The following TTC23 variants were observed in gnomAD, a reference collection of about 807,000 sequenced individuals.
The protein encoded by TTC23 is tetratricopeptide repeat domain 23, also known as tetratricopeptide repeat protein 23.
In TTC23, 58 loss-of-function variants were observed where a neutral mutation model predicts 55.1. That is an observed-to-expected ratio of 1.05 (90% CI 0.85 to 1.31). The LOEUF (loss-of-function observed/expected upper bound fraction) is 1.31, where lower values mean the gene tolerates loss of function less well. Ranked by LOEUF, TTC23 falls within the 50% of genes most tolerant of loss-of-function variation. TTC23 has a pLI of 0.00. For synonymous variants in TTC23, 203 were observed against 199.9 expected (o/e 1.02, Z -0.13); for missense variants, 516 against 534.4 (o/e 0.97, Z 0.34).
At chr15:99,211,734 A>T (rs1340903856) in intron 8 of TTC23, among the ~76,000 whole-genome samples, 1 of 152,130 alleles carries the variant, frequency 6.6e-6, no homozygotes, top group East Asian at 1.9e-4. Flanking sequence ...TGGAGGTCTT[A>T]TTATTTTCAC....
In TTC23 at chr15:99,248,950, C is replaced by T. The variant is rs114987390; in HGVS notation, c.-431+221G>A. ...CTGGAATCCCTAATCCACAAATATA[C>T]ACAAAATTTGGGTTCAAGCAACTCT... On this transcript the variant is annotated intron_variant, in intron 1 of 13. Coordinates refer to ENST00000394132, the MANE Select transcript of TTC23 (RefSeq NM_001288615.3). Among the ~76,000 whole-genome samples, 66 of 152,144 alleles carry T rather than the reference C, an allele frequency of 4.3e-4. 1 individual carries two copies. The highest frequency in any genetic ancestry group is 1.5e-3 in the African/African-American group (62 of 41,508).
chr15:99,207,300 T>C (rs1409862227), intron 8 of TTC23, among the ~76,000 whole-genome samples: 1 of 152,146 alleles, frequency 6.6e-6, no homozygotes. Context: ...AAATAACTTG[T>C]TTCCAGAAAT....
At chr15:99,188,257 T>C (rs1002772713) in intron 9 of TTC23, among the ~76,000 whole-genome samples, 4 of 152,048 alleles carry the variant, frequency 2.6e-5, no homozygotes, top group Admixed American at 1.3e-4. Flanking sequence ...CCACATACTG[T>C]ATGATTCTGT....
intron 10 of TTC23, among the ~76,000 whole-genome samples, chr15:99,169,590 G>C (rs8038392): frequency 0.41 from 62,922 of 151,968 alleles, 13,477 homozygotes; most frequent in Middle Eastern, 0.57. Flanking sequence ...AGTGAGCAGG[G>C]AGTGGGGAGG....
chr15:99,221,758 C>G lies in TTC23; in HGVS notation c.287G>C (p.Gly96Ala), dbSNP rs2077951333. 6.2e-7 allele frequency: 1 copy of G among 1,614,022 alleles called. No individual in the cohort carries two copies. Among genetic ancestry groups the G allele is most frequent in the Non-Finnish European group, 8.5e-7 (1 of 1,179,932 alleles). ...GAGCTTACCTTTCAGCTGGAGGTAG[C>G]CTTGAGCCAGATTAACATGTGCCTC... is the stretch of plus-strand genomic sequence containing the variant. ...LAEAHVNLAQ[G>A]YLQLKGLSLQ... Residue 96 changes from glycine (G) to alanine (A), a missense_variant, in exon 6 of 14, where the codon GGC (glycine) becomes GCC (alanine). Coordinates refer to ENST00000394132, the MANE Select transcript of TTC23 (RefSeq NM_001288615.3).
At position 99,221,806 on chromosome 15, in the gene TTC23, C is replaced by A. The variant is rs556904464; in HGVS notation, c.239G>T (p.Gly80Val). The change falls in exon 6 of 14, where the codon GGA becomes GTA. Residue 80 changes from glycine (G) to valine (V), a missense_variant. Physicochemically the swap from Gly to Val is moderately radical, Grantham distance 109. Coordinates refer to ENST00000394132, the MANE Select transcript of TTC23 (RefSeq NM_001288615.3). ...CTCTGCTAGTTTCCAATGTGAGTCT[C>A]CATAGCAAATTCTTGTCAGTGCTAC... ...RCVALTRICY[G>V]DSHWKLAEAH... 6.2e-7 allele frequency: 1 copy of A among 1,614,140 alleles called. No individual in the cohort carries two copies. Among genetic ancestry groups the A allele is most frequent in the East Asian group, 2.2e-5 (1 of 44,866 alleles).
chr15:99,248,095 A>G (rs1453272624), intron 1 of TTC23: 2 of 152,174 alleles, frequency 1.3e-5, no homozygotes, highest in East Asian at 3.8e-4. Context: ...AGTAAACTCA[A>G]TGCTTTCGAA....
Position 99,205,153 on chromosome 15 carries a change from CTA to C in TTC23, c.582-5059_582-5058del, listed in dbSNP as rs531178737. Reference sequence around the variant, plus strand: ...GGGGTTTCTATTCTGTTCCATTGGTCTATGTGTCTATTTTTATGCCAGTATCA... The same window carrying C: ...GGGGTTTCTATTCTGTTCCATTGGTCTGTGTCTATTTTTATGCCAGTATCA... On this transcript the variant is annotated intron_variant, in intron 8 of 13. Coordinates refer to ENST00000394132, the MANE Select transcript of TTC23 (RefSeq NM_001288615.3). Among the ~76,000 whole-genome samples, 10 of 152,128 alleles carry C rather than the reference CTA, an allele frequency of 6.6e-5. No homozygotes were observed. The South Asian group carries it at 1.9e-3, about 28-fold the overall frequency.
At chr15:99,156,351 T>A (rs2070566863) in intron 11 of TTC23, 54 bp from the exon 12 acceptor site, 1 of 1,595,112 alleles carries the variant, frequency 6.3e-7, no homozygotes, top group South Asian at 1.1e-5. Flanking sequence ...CTGATTAGGA[T>A]CATTACGCAA....
chr15:99,161,619 TCTAG>T, intron 11 of TTC23, 117 bp downstream of exon 11: 1 of 1,179,112 alleles, frequency 8.5e-7, no homozygotes, highest in East Asian at 2.5e-5. Context: ...TATGTGTCCC[TCTAG>T]AGACTGGCAC....
chr15:99,159,538 T>C (rs1193360212), intron 11 of TTC23: 1 of 152,058 alleles, frequency 6.6e-6, no homozygotes, highest in African/African-American at 2.4e-5. Context: ...TGGAGATGAA[T>C]GAGGAAGGGC....
At chr15:99,247,109 G>C (rs2080314468) in intron 1 of TTC23, among the ~76,000 whole-genome samples, 1 of 152,202 alleles carries the variant, frequency 6.6e-6, no homozygotes, top group African/African-American at 2.4e-5. Flanking sequence ...AATGAAAGCT[G>C]TAATAAGATA....
intron 9 of TTC23, among the ~76,000 whole-genome samples, chr15:99,194,892 C>A (rs1307809525): frequency 6.6e-6 from 1 of 152,202 alleles, no homozygotes; most frequent in African/African-American, 2.4e-5. Flanking sequence ...GAGATTGTAC[C>A]ATTGCACTCT....
intron 9 of TTC23, among the ~76,000 whole-genome samples, chr15:99,184,445 A>G (rs2074471254): frequency 1.3e-5 from 2 of 152,248 alleles, no homozygotes; most frequent in Non-Finnish European, 2.9e-5. Context: ...CTCTTACATC[A>G]GCATGACCTG....
At chr15:99,212,717 A>G (rs150968314) in intron 8 of TTC23, among the ~76,000 whole-genome samples, 223 of 152,238 alleles carry the variant, frequency 1.5e-3, no homozygotes, top group Non-Finnish European at 2.4e-3. Flanking sequence ...GGGACATAGG[A>G]CTGAGTGCAG....
chr15:99,173,615 T>C (rs1218810349), intron 10 of TTC23, among the ~76,000 whole-genome samples: 1 of 151,940 alleles, frequency 6.6e-6, no homozygotes, highest in Non-Finnish European at 1.5e-5. Flanking sequence ...TAAAAAAAAA[T>C]TGAAGATTCT....
rs185157639 is a variant in TTC23 at position 99,202,337 on chromosome 15, T to C, written c.582-2241A>G. On this transcript the variant is annotated intron_variant, in intron 8 of 13. Coordinates refer to ENST00000394132, the MANE Select transcript of TTC23 (RefSeq NM_001288615.3). ...TGTTCATAAAAGATGCAGTGTGCCA[T>C]TGAAGTAAAGAATGGATCCTTTGTT... Among the ~76,000 whole-genome samples, 448 of 152,282 alleles carry C rather than the reference T, an allele frequency of 2.9e-3. 2 individuals are homozygous for C. The highest frequency in any genetic ancestry group is 3.5e-3 in the Non-Finnish European group (237 of 68,028).
At chr15:99,236,695 C>G (rs1288803338) in intron 3 of TTC23, among the ~76,000 whole-genome samples, 1 of 152,018 alleles carries the variant, frequency 6.6e-6, no homozygotes, top group African/African-American at 2.4e-5. Context: ...GCCCTTTTCC[C>G]ACTTTTTAAT....
intron 9 of TTC23, among the ~76,000 whole-genome samples, chr15:99,178,687 C>G (rs890491690): frequency 1.3e-5 from 2 of 152,170 alleles, no homozygotes; most frequent in Non-Finnish European, 2.9e-5. Flanking sequence ...AACTGACTTC[C>G]TATCTACCCT....
Sources: gnomAD v4.1 joint callset for allele counts (sites outside exome capture counted in the v4.1 genomes callset) on GRCh38, gnomAD v4.1.1 for gene constraint, MANE v1.5 for transcripts, NCBI Gene and HGNC (gene_info 2026-07-23, HGNC 2026-07-21) for gene names.